The following PCDHA11 variants were observed in gnomAD, a reference collection of about 807,000 sequenced individuals.
The protein encoded by PCDHA11 is protocadherin alpha 11, also known as protocadherin alpha-11.
PCDHA11 carries 61 observed loss-of-function variants against 70.3 expected under a neutral mutation model. The ratio of observed to expected loss-of-function variants is 0.87; its 90% confidence interval spans 0.71 to 1.07. PCDHA11 has a LOEUF of 1.07. Among genes scored for constraint, PCDHA11 ranks in the 50% least tolerant of loss-of-function variants. The pLI, the probability that PCDHA11 is intolerant of heterozygous loss-of-function variation, is 0.00. For synonymous variants in PCDHA11, 633 were observed against 555.1 expected (o/e 1.14, Z -1.97); for missense variants, 1,324 against 1,237.5 (o/e 1.07, Z -1.05).
intron 3 of PCDHA11, among the ~76,000 whole-genome samples, chr5:141,008,590 T>G (rs1259352249): frequency 6.6e-6 from 1 of 152,216 alleles, no homozygotes; most frequent in Non-Finnish European, 1.5e-5. Context: ...CAGGGCAGAT[T>G]TCACCTCCTC....
At chr5:140,991,109 C>A (rs987847767) in intron 3 of PCDHA11, among the ~76,000 whole-genome samples, 1 of 152,156 alleles carries the variant, frequency 6.6e-6, no homozygotes, top group Non-Finnish European at 1.5e-5. Flanking sequence ...AATTAAGTGG[C>A]TTTCTTACAT....
Position 140,877,553 on chromosome 5 carries a change from T to C in PCDHA11, c.2391+6059T>C, listed in dbSNP as rs781933436. The C allele has an allele frequency of 1.9e-6, 3 of 1,613,720 alleles. No individual in the cohort carries two copies. The South Asian group carries it at 3.3e-5, about 18-fold the overall frequency. On this transcript the variant is annotated intron_variant, in intron 1 of 3. Coordinates refer to ENST00000398640, the MANE Select transcript of PCDHA11 (RefSeq NM_018902.5). ...GCTGTGGATCCCGAAGCGGCTCTGG[T>C]GGATATTAACGTGTACCTCATCATC...
At position 140,947,211 on chromosome 5, in the gene PCDHA11, T is replaced by A. The variant is rs562676640; in HGVS notation, c.2392-31738T>A. Among the ~76,000 whole-genome samples, 51 of 151,298 alleles carry A rather than the reference T, an allele frequency of 3.4e-4. 1 individual carries two copies. In the South Asian group the frequency reaches 0.011, roughly 32 times the overall value. On this transcript the variant is annotated intron_variant, in intron 1 of 3. Transcript: ENST00000398640. ...ACTACACAGCCTTAAAAAAAGAAAA[T>A]CCTGTCATTTATGACAGGAAAAAAA...
In PCDHA11 at chr5:140,894,992, T is replaced by C. The variant is rs78280553; in HGVS notation, c.2391+23498T>C. Among the ~76,000 whole-genome samples, 440 of 152,300 alleles carry C rather than the reference T, an allele frequency of 2.9e-3. 1 individual carries two copies. The highest frequency in any genetic ancestry group is 0.01 in the African/African-American group (421 of 41,556). On this transcript the variant is annotated intron_variant, in intron 1 of 3. Transcript: ENST00000398640. ...TAATGTCTTACTTTGTGACATCCTT[T>C]ACCCTTTTTACTTGGACCTTTTTCC...
intron 1 of PCDHA11, among the ~76,000 whole-genome samples, chr5:140,886,515 G>A (rs1554182564): frequency 3.9e-5 from 6 of 151,972 alleles, no homozygotes; most frequent in Non-Finnish European, 8.8e-5. Flanking sequence ...TGGATTTTAA[G>A]GTCTGCATAT....
chr5:140,898,414 C>T (rs1554187972), intron 1 of PCDHA11, among the ~76,000 whole-genome samples: 1 of 152,170 alleles, frequency 6.6e-6, no homozygotes, highest in Non-Finnish European at 1.5e-5. Flanking sequence ...ATACGGCTAG[C>T]CAGTTTTCCC....
At chr5:140,947,635 G>A (rs1170525936) in intron 1 of PCDHA11, among the ~76,000 whole-genome samples, 1 of 151,538 alleles carries the variant, frequency 6.6e-6, no homozygotes, top group African/African-American at 2.4e-5. Context: ...TCATCAGATC[G>A]TATGAACATA....
At chr5:140,892,980 G>T (rs568292110) in intron 1 of PCDHA11, among the ~76,000 whole-genome samples, 192 of 152,148 alleles carry the variant, frequency 1.3e-3, no homozygotes, top group African/African-American at 4.5e-3. Flanking sequence ...TGTAGCTGCC[G>T]TATAAGTGAG....
At chr5:141,004,602 G>A (rs1345777080) in intron 3 of PCDHA11, among the ~76,000 whole-genome samples, 18 of 152,298 alleles carry the variant, frequency 1.2e-4, no homozygotes, top group African/African-American at 4.1e-4. Flanking sequence ...CAGTGCTTAG[G>A]CCTCATGCAG....
chr5:140,926,769 G>T lies in PCDHA11; in HGVS notation c.2392-52180G>T, dbSNP rs1584462454. 7.3e-6 allele frequency: 10 copies of T among 1,360,582 alleles called. No individual in the cohort carries two copies. In the East Asian group the frequency reaches 2.4e-4, roughly 33 times the overall value. 84.3% of individuals were successfully genotyped at this position (1,360,582 alleles called of 1,614,324 possible). On this transcript the variant is annotated intron_variant, in intron 1 of 3. Coordinates refer to ENST00000398640, the MANE Select transcript of PCDHA11 (RefSeq NM_018902.5). ...TCGGCGGTCGCTGAGTATCCAGCCCGCAGCAGTGACGGCCGGCAGGAGCGT... is the reference window on the plus strand; with the variant it reads ...TCGGCGGTCGCTGAGTATCCAGCCCTCAGCAGTGACGGCCGGCAGGAGCGT...
intron 1 of PCDHA11, among the ~76,000 whole-genome samples, chr5:140,904,640 C>T (rs1484010152): frequency 6.6e-6 from 1 of 152,046 alleles, no homozygotes; most frequent in Non-Finnish European, 1.5e-5. Flanking sequence ...GGAATCTCCA[C>T]ACTGTTTTCC....
At chr5:140,891,586 A>C (rs1296110221) in intron 1 of PCDHA11, among the ~76,000 whole-genome samples, 1 of 151,924 alleles carries the variant, frequency 6.6e-6, no homozygotes, top group Non-Finnish European at 1.5e-5. Flanking sequence ...TAATCTTATT[A>C]CTCTATCCCA....
chr5:140,947,760 A>C (rs1332466215), intron 1 of PCDHA11, among the ~76,000 whole-genome samples: 1 of 151,618 alleles, frequency 6.6e-6, no homozygotes, highest in Non-Finnish European at 1.5e-5. Context: ...TTATGGTTTA[A>C]AAAATTCTAT....
rs367885958 is a variant in PCDHA11, at chr5:140,884,427, C to G, written c.2391+12933C>G. The G allele has an allele frequency of 2.5e-5, 40 of 1,613,840 alleles. No individual in the cohort carries two copies. The African/African-American group carries it at 5.1e-4, about 20-fold the overall frequency. ...GTGCTCACGTTGCTGCTGTATACTG[C>G]GCTGCGGTGCTCGGCACCGCCCACC... is the stretch of plus-strand genomic sequence containing the variant. On this transcript the variant is annotated intron_variant, in intron 1 of 3. Coordinates refer to ENST00000398640, the MANE Select transcript of PCDHA11 (RefSeq NM_018902.5).
chr5:140,887,321 C>A (rs1277860165), intron 1 of PCDHA11, among the ~76,000 whole-genome samples: 4 of 152,150 alleles, frequency 2.6e-5, no homozygotes, highest in Non-Finnish European at 5.9e-5. Flanking sequence ...TAGTCTCGAA[C>A]TCCTGACCTC....
intron 1 of PCDHA11, among the ~76,000 whole-genome samples, chr5:140,873,657 C>A (rs1270824058): frequency 6.6e-6 from 1 of 152,090 alleles, no homozygotes; most frequent in Non-Finnish European, 1.5e-5. Context: ...ACATAACACA[C>A]TATTATTATT....
At chr5:140,921,071 T>C (rs2080004942) in intron 1 of PCDHA11, among the ~76,000 whole-genome samples, 1 of 152,054 alleles carries the variant, frequency 6.6e-6, no homozygotes, top group Admixed American at 6.6e-5. Flanking sequence ...CCTTGAACTC[T>C]TGGGCTCAAG....
chr5:140,870,510 A>T lies in PCDHA11; in HGVS notation c.1407A>T (p.Pro469=). 1 of 1,614,220 alleles carries T rather than the reference A, an allele frequency of 6.2e-7. No homozygotes were observed. The highest frequency in any genetic ancestry group is 8.5e-7 in the Non-Finnish European group (1 of 1,180,042). Residue 469 remains proline, a synonymous_variant, in exon 1 of 4, where the codon CCA becomes CCT. Transcript: ENST00000398640. ...TGTTCGTGAAGGAGAACAACCCACC[A>T]GGCTGCCACATCTTCACAGTGTCGG... is the stretch of plus-strand genomic sequence containing the variant. ...YTVFVKENNP[P]GCHIFTVSAR... is the part of the protein sequence containing the mutation.
At chr5:140,882,333 C>A in intron 1 of PCDHA11, 1 of 1,614,220 alleles carries the variant, frequency 6.2e-7, no homozygotes, top group Non-Finnish European at 8.5e-7. Context: ...CTGATCCTCG[C>A]AGCCTGGGAG....
Sources: gnomAD v4.1 joint callset for allele counts (sites outside exome capture counted in the v4.1 genomes callset) on GRCh38, gnomAD v4.1.1 for gene constraint, MANE v1.5 for transcripts, NCBI Gene and HGNC (gene_info 2026-07-23, HGNC 2026-07-21) for gene names.